Variants in RHBDD1 observed in about 807,000 individuals in gnomAD.
The protein encoded by RHBDD1 is rhomboid domain containing 1.
A neutral mutation model predicts 36.3 loss-of-function variants in RHBDD1; 38 were observed. That is an observed-to-expected ratio of 1.05 (90% CI 0.81 to 1.37). RHBDD1 has a LOEUF of 1.37. Among genes scored for constraint, RHBDD1 ranks in the 40% most tolerant of loss-of-function variants. The pLI, the probability that RHBDD1 is intolerant of heterozygous loss-of-function variation, is 0.00. For synonymous variants in RHBDD1, 151 were observed against 136.5 expected (o/e 1.11, Z -0.74); for missense variants, 393 against 377.6 (o/e 1.04, Z -0.34).
chr2:226,823,660 T>C, the RHBDD1 span, among the ~76,000 whole-genome samples: 4 of 152,160 alleles, frequency 2.6e-5, no homozygotes, highest in Non-Finnish European at 5.9e-5. Flanking sequence ...ACACCTATCT[T>C]AGTCCAATTT....
In RHBDD1 at chr2:226,934,287, C is replaced by T. The variant is rs144655564; in HGVS notation, c.856+19936C>T. ...GTAGCCTAGGAGCAATAGGCTATAC[C>T]ATATAGCCTATATGTGTAGTAGGCT... On this transcript the variant is annotated intron_variant, in intron 8 of 8. Coordinates refer to ENST00000392062, the MANE Select transcript of RHBDD1 (RefSeq NM_001167608.3). Among the ~76,000 whole-genome samples, 6 of 152,184 alleles carry T rather than the reference C, an allele frequency of 3.9e-5. No individual in the cohort carries two copies. In the East Asian group the frequency reaches 1.2e-3, roughly 29 times the overall value.
chr2:226,984,564 G>A (rs1448886506), intron 8 of RHBDD1, among the ~76,000 whole-genome samples: 4 of 152,152 alleles, frequency 2.6e-5, no homozygotes, highest in African/African-American at 7.2e-5. Context: ...GGATTTTGAG[G>A]GAACACAAAT....
In RHBDD1 at chr2:226,864,868, T is replaced by C. The variant is rs1559208625; in HGVS notation, c.175T>C (p.Cys59Arg). The C allele has an allele frequency of 3.1e-6, 5 of 1,614,170 alleles. No individual in the cohort carries two copies. The South Asian group carries it at 5.5e-5, about 18-fold the overall frequency. The change falls in exon 4 of 9, where the codon TGT becomes CGT. Residue 59 changes from cysteine (C) to arginine (R), a missense_variant. By Grantham distance (180) the Cys-to-Arg change is radical. Coordinates refer to ENST00000392062, the MANE Select transcript of RHBDD1 (RefSeq NM_001167608.3). ...LYSSCLSVEK[C>R]YQQKDWQRLL... ...TAGCTCCTGCCTTAGTGTGGAGAAG[T>C]GTTACCAGCAAAAAGACTGGCAGCG...
the RHBDD1 span, among the ~76,000 whole-genome samples, chr2:226,801,251 G>T: frequency 1.3e-3 from 199 of 152,354 alleles, 4 homozygotes; most frequent in South Asian, 7.2e-3. Flanking sequence ...CGGCTGAGGG[G>T]CGGAGCGAGT....
the RHBDD1 span, among the ~76,000 whole-genome samples, chr2:226,805,482 G>T: frequency 1.3e-5 from 2 of 152,164 alleles, no homozygotes; most frequent in African/African-American, 2.4e-5. Flanking sequence ...CAAAGTGCTG[G>T]GATTATAGGC....
chr2:226,887,541 A>G (rs1946333911), intron 5 of RHBDD1, among the ~76,000 whole-genome samples: 1 of 152,254 alleles, frequency 6.6e-6, no homozygotes, highest in South Asian at 2.1e-4. Flanking sequence ...AGAGGGTCAC[A>G]TTTCCTCCTC....
chr2:226,884,595 T>C (rs1946060143), intron 5 of RHBDD1, among the ~76,000 whole-genome samples: 1 of 152,160 alleles, frequency 6.6e-6, no homozygotes, highest in African/African-American at 2.4e-5. Context: ...CTTCAGTAAT[T>C]TATATTGCCA....
At chr2:226,820,644 C>CAAAAAAAAA in the RHBDD1 span, among the ~76,000 whole-genome samples, 3 of 63,516 alleles carry the variant, frequency 4.7e-5, no homozygotes, top group African/African-American at 4.0e-5. Context: ...TCCATCTCCA[C>CAAAAAAAAA]AAAAAAAAAA....
At chr2:226,892,776 C>A (rs6734566) in intron 5 of RHBDD1, among the ~76,000 whole-genome samples, 49,576 of 151,974 alleles carry the variant, frequency 0.33, 11,680 homozygotes, top group African/African-American at 0.67. Context: ...AAGATCAATG[C>A]ATCTCAACCT....
chr2:226,826,517 ATTTT>A, the RHBDD1 span, among the ~76,000 whole-genome samples: 5 of 122,078 alleles, frequency 4.1e-5, no homozygotes, highest in Non-Finnish European at 6.4e-5. Flanking sequence ...ATCATGATAG[ATTTT>A]TTTTTTTTTT....
At chr2:226,810,731 TAAGAA>T in the RHBDD1 span, among the ~76,000 whole-genome samples, 25 of 151,964 alleles carry the variant, frequency 1.6e-4, no homozygotes, top group Admixed American at 1.4e-3. Flanking sequence ...GGCAGAGGCA[TAAGAA>T]AAACGTGGAT....
chr2:226,841,133 C>T (rs890099856), intron 3 of RHBDD1, among the ~76,000 whole-genome samples: 2 of 151,714 alleles, frequency 1.3e-5, no homozygotes, highest in South Asian at 2.1e-4. Flanking sequence ...ATTTTTCATT[C>T]ATTTATTTAT....
chr2:226,986,427 G>C (rs892619124), intron 8 of RHBDD1, among the ~76,000 whole-genome samples: 12 of 152,200 alleles, frequency 7.9e-5, no homozygotes, highest in African/African-American at 2.9e-4. Context: ...CAGTATCTTT[G>C]CAACTTTTAC....
chr2:226,914,495 C>A, intron 8 of RHBDD1, 144 bp downstream of exon 8: 1 of 903,614 alleles, frequency 1.1e-6, no homozygotes, highest in Non-Finnish European at 1.6e-6. Context: ...ATTGTGATTA[C>A]AAAGAATGGG....
chr2:226,954,728 G>A (rs1371614570), intron 8 of RHBDD1, among the ~76,000 whole-genome samples: 4 of 152,114 alleles, frequency 2.6e-5, no homozygotes, highest in African/African-American at 4.8e-5. Context: ...AAAATAAATC[G>A]GTATGGTTGA....
chr2:226,861,562 A>G (rs745732413), intron 3 of RHBDD1, among the ~76,000 whole-genome samples: 36 of 152,266 alleles, frequency 2.4e-4, no homozygotes, highest in Non-Finnish European at 4.3e-4. Flanking sequence ...TTTCTGCTAC[A>G]TAAAGCCCAG....
At chr2:226,827,014 A>G in the RHBDD1 span, among the ~76,000 whole-genome samples, 1 of 152,250 alleles carries the variant, frequency 6.6e-6, no homozygotes, top group Admixed American at 6.5e-5. Context: ...GATGGAGTGC[A>G]GTGGAGTGAT....
Position 226,865,096 on chromosome 2 carries a change from T to G in RHBDD1, c.403T>G (p.Phe135Val), listed in dbSNP as rs749269771. The change falls in exon 4 of 9, where the codon TTC becomes GTC. Residue 135 changes from phenylalanine (F) to valine (V), a missense_variant. Transcript: ENST00000392062. ...TGCCGAATTTATGGATGAACCTGAC[T>G]TCAAAAGGAGCTGTGCTGTAGGTTT... is the stretch of plus-strand genomic sequence containing the variant. ...AVAEFMDEPD[F>V]KRSCAVGFSG... The G allele has an allele frequency of 6.2e-7, 1 of 1,613,972 alleles. No homozygotes were observed. Among genetic ancestry groups the G allele is most frequent in the Non-Finnish European group, 8.5e-7 (1 of 1,179,952 alleles).
intron 3 of RHBDD1, among the ~76,000 whole-genome samples, chr2:226,861,749 C>T (rs1943874641): frequency 6.6e-6 from 1 of 152,036 alleles, no homozygotes; most frequent in African/African-American, 2.4e-5. Flanking sequence ...CACGTGTGCA[C>T]ACATATTGAT....
Sources: allele counts gnomAD v4.1 joint callset (sites outside exome capture counted in the v4.1 genomes callset), GRCh38; gene constraint gnomAD v4.1.1; transcripts MANE v1.5; gene names NCBI Gene and HGNC (gene_info 2026-07-23, HGNC 2026-07-21).